The following CNTN3 variants were observed in gnomAD, a reference collection of about 807,000 sequenced individuals.
CNTN3 encodes the protein contactin 3, also known as contactin-3.
In CNTN3, 60 loss-of-function variants were observed where a neutral mutation model predicts 119.1. The observed-to-expected ratio is 0.50, with a 90% CI of 0.41 to 0.62. The LOEUF is 0.62. Ranked by LOEUF, CNTN3 falls within the 20% of genes least tolerant of loss-of-function variation. CNTN3 has a pLI of 0.00. For missense variants in CNTN3, 1,101 were observed against 1,242.4 expected (o/e 0.89, Z 1.71); for synonymous variants, 450 against 438.7 (o/e 1.03, Z -0.32).
intron 1 of CNTN3, among the ~76,000 whole-genome samples, chr3:74,546,492 A>C (rs1230171078): frequency 1.3e-5 from 2 of 152,216 alleles, no homozygotes; most frequent in African/African-American, 2.4e-5. Context: ...AGCTGCCAGC[A>C]CAGCTAGAAT....
Position 74,371,190 on chromosome 3 carries a change from C to T in CNTN3, c.658+6G>A. On this transcript the variant is annotated splice_donor_region_variant and intron_variant, in intron 6 of 22. Coordinates refer to ENST00000263665, the MANE Select transcript of CNTN3 (RefSeq NM_020872.3). Reference sequence around the variant, plus strand: ...CTCAGAAGTGCACTTGGAGAAGTTTCATTACCATCAGAACGTAGCACCAAA... The same window carrying T: ...CTCAGAAGTGCACTTGGAGAAGTTTTATTACCATCAGAACGTAGCACCAAA... 1 of 1,610,258 alleles carries T rather than the reference C, an allele frequency of 6.2e-7. No individual in the cohort carries two copies. The highest frequency in any genetic ancestry group is 8.5e-7 in the Non-Finnish European group (1 of 1,176,900).
intron 1 of CNTN3, among the ~76,000 whole-genome samples, chr3:74,544,772 G>C (rs1261170007): frequency 6.6e-6 from 1 of 151,936 alleles, no homozygotes; most frequent in Non-Finnish European, 1.5e-5. Flanking sequence ...CAATTTTTTT[G>C]TATTTTTAGT....
intron 4 of CNTN3, among the ~76,000 whole-genome samples, chr3:74,429,440 G>GA (rs34282771): frequency 1.9e-4 from 27 of 140,834 alleles, no homozygotes; most frequent in African/African-American, 3.2e-4. Flanking sequence ...TGGAAGGAGA[G>GA]AAAAAAAAAA....
intron 6 of CNTN3, 106 bp downstream of exon 6, chr3:74,371,090 G>T: frequency 1.3e-6 from 1 of 759,048 alleles, no homozygotes. Flanking sequence ...CAAAAAACAT[G>T]AAGTGACAAT....
chr3:74,458,075 G>A (rs1414912850), intron 4 of CNTN3, among the ~76,000 whole-genome samples: 1 of 151,930 alleles, frequency 6.6e-6, no homozygotes, highest in Non-Finnish European at 1.5e-5. Flanking sequence ...CAGACAAATG[G>A]AGACAAACTG....
At chr3:74,352,740 A>G (rs1703846916) in intron 11 of CNTN3, among the ~76,000 whole-genome samples, 1 of 152,204 alleles carries the variant, frequency 6.6e-6, no homozygotes, top group East Asian at 1.9e-4. Flanking sequence ...TCTGGTTTTT[A>G]AAAGTGATGG....
At chr3:74,564,130 T>C (rs1278751671) in intron 1 of CNTN3, among the ~76,000 whole-genome samples, 9 of 152,154 alleles carry the variant, frequency 5.9e-5, no homozygotes, top group Admixed American at 5.9e-4. Context: ...TGTACAATGC[T>C]TATGCTATGG....
intron 1 of CNTN3, among the ~76,000 whole-genome samples, chr3:74,534,866 A>G (rs1053035851): frequency 3.3e-5 from 5 of 151,952 alleles, no homozygotes; most frequent in African/African-American, 9.7e-5. Flanking sequence ...TTTTGCACCA[A>G]CCTAAATACT....
intron 13 of CNTN3, among the ~76,000 whole-genome samples, chr3:74,329,471 A>G (rs890879011): frequency 6.6e-6 from 1 of 152,328 alleles, no homozygotes; most frequent in African/African-American, 2.4e-5. Context: ...ATATATATTT[A>G]AACATCCTTA....
At chr3:74,294,976 GAAC>G in intron 19 of CNTN3, 142 bp downstream of exon 19, 1 of 500,670 alleles carries the variant, frequency 2.0e-6, no homozygotes. Flanking sequence ...AGTATACATG[GAAC>G]ATCAGATGAA....
At chr3:74,559,145 G>C (rs1704114550) in intron 1 of CNTN3, among the ~76,000 whole-genome samples, 6 of 151,898 alleles carry the variant, frequency 4.0e-5, no homozygotes, top group Admixed American at 3.3e-4. Flanking sequence ...ACCTGAAAGG[G>C]CCTAAACCCC....
intron 5 of CNTN3, among the ~76,000 whole-genome samples, chr3:74,372,869 G>C (rs1704375829): frequency 6.6e-6 from 1 of 152,142 alleles, no homozygotes; most frequent in Admixed American, 6.6e-5. Flanking sequence ...ACTCCAAGTA[G>C]AGTGAAGAAC....
intron 5 of CNTN3, among the ~76,000 whole-genome samples, chr3:74,390,535 T>C (rs553535046): frequency 2.3e-4 from 35 of 152,122 alleles, no homozygotes; most frequent in African/African-American, 7.9e-4. Flanking sequence ...ATTTGGAAAC[T>C]ACAATACACT....
chr3:74,369,309 T>C lies in CNTN3; in HGVS notation c.826A>G (p.Arg276Gly). 1 of 1,610,578 alleles carries C rather than the reference T, an allele frequency of 6.2e-7. No individual in the cohort carries two copies. The highest frequency in any genetic ancestry group is 8.5e-7 in the Non-Finnish European group (1 of 1,178,380). The stretch of plus-strand genomic sequence containing the variant: ...ATTTCAAGCACACCACTGAACTTCC[T>C]TAATTTAATTTTGCTGGAAAATGGC... ...GLPFSSKIKLRKFSGVLEIPN... is the reference protein window; with the variant it reads ...GLPFSSKIKLGKFSGVLEIPN... Residue 276 changes from arginine (R) to glycine (G), a missense_variant, in exon 8 of 23, where the codon AGG becomes GGG. Transcript: ENST00000263665.
Position 74,521,072 on chromosome 3 carries a change from A to G in CNTN3, c.41T>C (p.Ile14Thr). ...TTTTTTTTTACCTCCTAAGCAGCCAATGAATGAAAGCAGGATCAACTGTTT... is the reference window on the plus strand; with the variant it reads ...TTTTTTTTTACCTCCTAAGCAGCCAGTGAATGAAAGCAGGATCAACTGTTT... Reference protein sequence around the residue: ...PWKQLILLSFIGCLGGELLLQ... With the variant: ...PWKQLILLSFTGCLGGELLLQ... Residue 14 changes from isoleucine to threonine, a missense_variant, in exon 2 of 23, where the codon ATT becomes ACT. Coordinates refer to ENST00000263665, the MANE Select transcript of CNTN3 (RefSeq NM_020872.3). 1 of 1,600,908 alleles carries G rather than the reference A, an allele frequency of 6.2e-7. No homozygotes were observed. Among genetic ancestry groups the G allele is most frequent in the Non-Finnish European group, 8.5e-7 (1 of 1,172,440 alleles).
At chr3:74,394,104 T>C (rs1022550226) in intron 5 of CNTN3, among the ~76,000 whole-genome samples, 2 of 152,178 alleles carry the variant, frequency 1.3e-5, no homozygotes, top group African/African-American at 4.8e-5. Context: ...GAGAAGTCTG[T>C]GGAGATGCTC....
chr3:74,568,445 T>C (rs1014217553), intron 1 of CNTN3, among the ~76,000 whole-genome samples: 4 of 152,184 alleles, frequency 2.6e-5, no homozygotes, highest in Non-Finnish European at 2.9e-5. Context: ...AACAGTAAAC[T>C]GAACAAACTC....
intron 20 of CNTN3, among the ~76,000 whole-genome samples, chr3:74,268,679 A>G (rs1388046680): frequency 6.6e-6 from 1 of 152,148 alleles, no homozygotes; most frequent in East Asian, 1.9e-4. Flanking sequence ...ATAACAACAA[A>G]AAAATTATAG....
intron 1 of CNTN3, among the ~76,000 whole-genome samples, chr3:74,602,975 T>A (rs536116625): frequency 6.6e-6 from 1 of 152,236 alleles, no homozygotes; most frequent in East Asian, 1.9e-4. Context: ...TGAGGAGTGC[T>A]CTTGAAAGAA....
Sources: allele counts gnomAD v4.1 joint callset (sites outside exome capture counted in the v4.1 genomes callset), GRCh38; gene constraint gnomAD v4.1.1; transcripts MANE v1.5; gene names NCBI Gene and HGNC (gene_info 2026-07-23, HGNC 2026-07-21).